The following SOCS6 variants were observed in gnomAD, a reference collection of about 807,000 sequenced individuals.
SOCS6 encodes the protein suppressor of cytokine signaling 6, also known as STAT induced STAT inhibitor-4.
A neutral mutation model predicts 27.7 loss-of-function variants in SOCS6; 5 were observed. That is an observed-to-expected ratio of 0.18 (90% CI 0.09 to 0.38). The LOEUF (loss-of-function observed/expected upper bound fraction) is 0.38. SOCS6 is among the 10% of genes least tolerant of loss of function. The pLI is 1.00. For missense variants in SOCS6, 595 were observed against 688.1 expected (o/e 0.86, Z 1.51); for synonymous variants, 271 against 260.0 (o/e 1.04, Z -0.41).
intron 1 of SOCS6, among the ~76,000 whole-genome samples, chr18:70,299,481 C>T (rs138760992): frequency 1.1e-4 from 17 of 152,272 alleles, no homozygotes; most frequent in South Asian, 8.3e-4. Flanking sequence ...GCAAGGTCCC[C>T]GAATCTTGTA....
chr18:70,303,020 C>T (rs1360303491), intron 1 of SOCS6, among the ~76,000 whole-genome samples: 2 of 152,142 alleles, frequency 1.3e-5, no homozygotes, highest in African/African-American at 4.8e-5. Flanking sequence ...AACAAACAAG[C>T]TCACAGGTTT....
chr18:70,300,530 T>C (rs2062343757), intron 1 of SOCS6, among the ~76,000 whole-genome samples: 1 of 152,232 alleles, frequency 6.6e-6, no homozygotes, highest in African/African-American at 2.4e-5. Context: ...TAAGAATGCA[T>C]TGAATACAAT....
chr18:70,297,791 C>G (rs2062330824), intron 1 of SOCS6, among the ~76,000 whole-genome samples: 1 of 152,194 alleles, frequency 6.6e-6, no homozygotes. Flanking sequence ...TATGTTGGCT[C>G]TTAATGTACA....
At chr18:70,305,877 T>C (rs28767274) in intron 1 of SOCS6, among the ~76,000 whole-genome samples, 52,829 of 151,896 alleles carry the variant, frequency 0.35, 9,977 homozygotes, top group East Asian at 0.73. Flanking sequence ...TTTGTAGGCT[T>C]GTAGGGTGGG....
At chr18:70,309,978 G>A (rs1490664425) in intron 1 of SOCS6, among the ~76,000 whole-genome samples, 1 of 152,150 alleles carries the variant, frequency 6.6e-6, no homozygotes, top group Non-Finnish European at 1.5e-5. Flanking sequence ...GAGCCACCAC[G>A]CCCAGCCTGT....
At chr18:70,310,467 G>T (rs1201366927) in intron 1 of SOCS6, among the ~76,000 whole-genome samples, 4 of 139,532 alleles carry the variant, frequency 2.9e-5, no homozygotes, top group Non-Finnish European at 4.6e-5. Flanking sequence ...TTTTTTGTGG[G>T]GTTTTTTTTT....
At chr18:70,309,119 G>T (rs887388758) in intron 1 of SOCS6, among the ~76,000 whole-genome samples, 2 of 152,220 alleles carry the variant, frequency 1.3e-5, no homozygotes, top group Non-Finnish European at 2.9e-5. Context: ...CTTTGTTGCA[G>T]TGAGAAAGCA....
chr18:70,289,540 G>C (rs2062288884), intron 1 of SOCS6, among the ~76,000 whole-genome samples: 1 of 147,154 alleles, frequency 6.8e-6, no homozygotes, highest in African/African-American at 2.4e-5. Context: ...GCAGCGGCGC[G>C]GGGCCTGCGC....
rs577218109 is a variant in SOCS6 at position 70,328,832 on chromosome 18, A to G, written c.*2556A>G. The G allele has an allele frequency of 6.0e-5, 10 of 167,166 alleles. No homozygotes were observed. The highest frequency in any genetic ancestry group is 6.8e-3 in the Middle Eastern group (2 of 296). 10.4% of individuals were successfully genotyped at this position (167,166 alleles called of 1,614,324 possible). ...TAACACAGTCCAGTTAAAAGTGGAAACAGGGAAAAGAGAGAGAGAAAACTC... is the reference window on the plus strand; with the variant it reads ...TAACACAGTCCAGTTAAAAGTGGAAGCAGGGAAAAGAGAGAGAGAAAACTC... On this transcript the variant is annotated 3_prime_UTR_variant, in exon 2 of 2. Transcript: ENST00000397942.
At chr18:70,291,391 C>T (rs1210509955) in intron 1 of SOCS6, among the ~76,000 whole-genome samples, 4 of 152,204 alleles carry the variant, frequency 2.6e-5, no homozygotes, top group Non-Finnish European at 1.5e-5. Context: ...CGAACCACCA[C>T]ACCCAGCCTG....
intron 1 of SOCS6, among the ~76,000 whole-genome samples, chr18:70,308,411 T>G (rs1025831790): frequency 1.3e-5 from 2 of 151,660 alleles, no homozygotes; most frequent in Non-Finnish European, 2.9e-5. Context: ...TTGCAACAAC[T>G]AGGTCTCACT....
intron 1 of SOCS6, among the ~76,000 whole-genome samples, chr18:70,321,018 T>G (rs886799780): frequency 1.3e-5 from 2 of 152,168 alleles, no homozygotes; most frequent in Admixed American, 6.5e-5. Flanking sequence ...GGCTCATACC[T>G]GTAATCCCAG....
chr18:70,325,112 C>T lies in SOCS6; in HGVS notation c.444C>T (p.Cys148=), dbSNP rs1276651214. 6.2e-7 allele frequency: 1 copy of T among 1,614,116 alleles called. No individual in the cohort carries two copies. The change falls in exon 2 of 2, where the codon TGC becomes TGT. Residue 148 remains cysteine, a synonymous_variant. Transcript: ENST00000397942. This position sits in a 1 kb window ranked among gnomAD's most constrained non-coding sequence, Gnocchi z 6.3. ...PLRPTNSEET[C]IKMEVRVKAL... ...GGCCCACAAACTCCGAGGAGACCTG[C>T]ATCAAGATGGAGGTGAGAGTCAAGG...
chr18:70,303,872 T>C (rs2062358429), intron 1 of SOCS6, among the ~76,000 whole-genome samples: 1 of 152,230 alleles, frequency 6.6e-6, no homozygotes, highest in Non-Finnish European at 1.5e-5. Context: ...CTGATTTGAC[T>C]TTTGGAAAAT....
At chr18:70,321,486 A>ATTTTTTTTTTTTTTTTTT (rs765150837) in intron 1 of SOCS6, among the ~76,000 whole-genome samples, 7 of 112,658 alleles carry the variant, frequency 6.2e-5, no homozygotes, top group African/African-American at 2.1e-4. Context: ...ATGCCTGGCT[A>ATTTTTTTTTTTTTTTTTT]TTTTTTTTTT....
intron 1 of SOCS6, among the ~76,000 whole-genome samples, chr18:70,296,402 C>T (rs1477812426): frequency 6.6e-6 from 1 of 152,176 alleles, no homozygotes. Context: ...TTGGCCTCTT[C>T]CTTTGGGTCC....
chr18:70,306,496 AAAAG>A lies in SOCS6; in HGVS notation c.-127+17415_-127+17418del, dbSNP rs1279026779. On this transcript the variant is annotated intron_variant, in intron 1 of 1. Coordinates refer to ENST00000397942, the MANE Select transcript of SOCS6 (RefSeq NM_004232.4). ...CCATCTCAAAAAAAAAAAAAAAAAA[AAAAG>A]AAAGAAAGCCAAAAACTAAGATTGT... 3.0e-3 allele frequency among the ~76,000 whole-genome samples: 426 copies of A among 143,606 alleles called. 3 individuals carry two copies. Among genetic ancestry groups the A allele is most frequent in the African/African-American group, 0.011 (396 of 36,514 alleles). The allele number at this position is 143,606 out of a possible 152,430, so 94.2% of individuals were successfully genotyped here.
At chr18:70,300,720 G>T (rs2062344640) in intron 1 of SOCS6, among the ~76,000 whole-genome samples, 2 of 152,114 alleles carry the variant, frequency 1.3e-5, no homozygotes. Context: ...ATTTAAGCTA[G>T]TGCTACCCCA....
intron 1 of SOCS6, among the ~76,000 whole-genome samples, chr18:70,297,702 T>C (rs2062330416): frequency 6.6e-6 from 1 of 151,654 alleles, no homozygotes; most frequent in Non-Finnish European, 1.5e-5. Context: ...ATTGTTTGCT[T>C]AATAGGGATA....
Sources: allele counts gnomAD v4.1 joint callset (sites outside exome capture counted in the v4.1 genomes callset), GRCh38; gene constraint gnomAD v4.1.1; non-coding constraint Gnocchi (gnomAD v3.1); transcripts MANE v1.5; gene names NCBI Gene and HGNC (gene_info 2026-07-23, HGNC 2026-07-21).